Variants in GSK3B observed in about 807,000 individuals in gnomAD.
GSK3B encodes glycogen synthase kinase 3 beta, also known as glycogen synthase kinase-3 beta.
A neutral mutation model predicts 56.4 loss-of-function variants in GSK3B; 15 were observed. The observed-to-expected ratio is 0.27, with a 90% CI of 0.18 to 0.41. GSK3B has a LOEUF of 0.41. GSK3B is among the 10% of genes least tolerant of loss of function. The pLI is 1.00. For missense variants in GSK3B, 300 were observed against 513.4 expected (o/e 0.58, Z 4.02); for synonymous variants, 181 against 188.9 (o/e 0.96, Z 0.34).
intron 1 of GSK3B, chr3:120,029,516 T>C: frequency 3.2e-6 from 2 of 633,208 alleles, no homozygotes; most frequent in South Asian, 2.9e-5. Context: ...GTTATGTGTG[T>C]AAAGTTGCCA....
At chr3:119,974,315 A>G (rs1311644253) in intron 2 of GSK3B, among the ~76,000 whole-genome samples, 2 of 152,224 alleles carry the variant, frequency 1.3e-5, no homozygotes, top group African/African-American at 4.8e-5. Flanking sequence ...ATGTTAGTAG[A>G]CTAGCCTATC....
At chr3:119,942,807 C>G (rs769263346) in intron 3 of GSK3B, among the ~76,000 whole-genome samples, 3 of 152,144 alleles carry the variant, frequency 2.0e-5, no homozygotes, top group Non-Finnish European at 4.4e-5. Flanking sequence ...AAGATACTTG[C>G]AACTCACAAA....
intron 1 of GSK3B, among the ~76,000 whole-genome samples, chr3:120,079,819 A>G (rs959477632): frequency 1.3e-5 from 2 of 152,214 alleles, no homozygotes; most frequent in African/African-American, 4.8e-5. Context: ...GAAGGGCATA[A>G]CAAGTATTTG....
intron 1 of GSK3B, among the ~76,000 whole-genome samples, chr3:120,082,914 A>C (rs975672430): frequency 1.3e-5 from 2 of 152,084 alleles, no homozygotes; most frequent in Non-Finnish European, 1.5e-5. Context: ...TACATATATA[A>C]TTCACCTTTT....
At position 119,833,041 on chromosome 3, in the gene GSK3B, A is replaced by G. The variant is rs1236648675; in HGVS notation, c.1196-6186T>C. On this transcript the variant is annotated intron_variant, in intron 10 of 10. Transcript: ENST00000264235. The stretch of plus-strand genomic sequence containing the variant: ...CATGGATTAATGGTCAACTGTCTCA[A>G]TACTGAGGAAACTGCCCCACCCAAA... 6 of 904,932 alleles carry G rather than the reference A, an allele frequency of 6.6e-6. No individual in the cohort carries two copies. The African/African-American group carries it at 7.2e-5, about 11-fold the overall frequency. 56.1% of individuals were successfully genotyped at this position (904,932 alleles called of 1,614,324 possible).
At position 119,824,401 on chromosome 3, in the gene GSK3B, CTTCT is replaced by C. The variant is rs1354501527; in HGVS notation, c.*2383_*2386del. 3 of 218,676 alleles carry C rather than the reference CTTCT, an allele frequency of 1.4e-5. No individual in the cohort carries two copies. The highest frequency in any genetic ancestry group is 2.8e-5 in the Non-Finnish European group (3 of 108,954). 13.5% of individuals were successfully genotyped at this position (218,676 alleles called of 1,614,324 possible). The stretch of plus-strand genomic sequence containing the variant: ...TGAGAGAAAAGCGTGACTTTTCTCT[CTTCT>C]TTTACCCCAGTTGTGGGGGGCAACC... On this transcript the variant is annotated 3_prime_UTR_variant, in exon 11 of 11. Transcript: ENST00000264235.
Position 119,863,537 on chromosome 3 carries a change from A to G in GSK3B, c.978T>C (p.Thr326=), listed in dbSNP as rs1164520792. ...AAGCTTCCAGTGGTGTTAGTCGGGC[A>G]GTTGGTGTATACTCCAGCAGACGGC... ...LCSRLLEYTP[T]ARLTPLEACA... Residue 326 remains threonine (T), a synonymous_variant, in exon 9 of 11, where the codon ACT becomes ACC. Coordinates refer to ENST00000264235, the MANE Select transcript of GSK3B (RefSeq NM_001146156.2). 6.2e-7 allele frequency: 1 copy of G among 1,613,608 alleles called. No individual in the cohort carries two copies. The highest frequency in any genetic ancestry group is 8.5e-7 in the Non-Finnish European group (1 of 1,179,620).
At chr3:120,055,766 T>C (rs534662685) in intron 1 of GSK3B, among the ~76,000 whole-genome samples, 38 of 152,250 alleles carry the variant, frequency 2.5e-4, no homozygotes, top group African/African-American at 9.1e-4. Context: ...TACATGAAAA[T>C]GGATCTTTCA....
At chr3:120,064,898 C>T (rs981600435) in intron 1 of GSK3B, among the ~76,000 whole-genome samples, 11 of 152,092 alleles carry the variant, frequency 7.2e-5, no homozygotes, top group East Asian at 1.9e-4. Flanking sequence ...CCACACAATG[C>T]GGAAAAAAAT....
intron 1 of GSK3B, among the ~76,000 whole-genome samples, chr3:120,071,727 T>A (rs868183958): frequency 6.6e-6 from 1 of 152,148 alleles, no homozygotes; most frequent in East Asian, 1.9e-4. Context: ...TACATTACAA[T>A]GTAATAATAA....
intron 2 of GSK3B, among the ~76,000 whole-genome samples, chr3:119,955,376 A>T (rs2057203444): frequency 6.6e-6 from 1 of 152,190 alleles, no homozygotes; most frequent in South Asian, 2.1e-4. Flanking sequence ...TTTGAAGCCA[A>T]CTATGTGTCA....
At chr3:119,901,002 T>C (rs2056619349) in intron 7 of GSK3B, among the ~76,000 whole-genome samples, 1 of 152,156 alleles carries the variant, frequency 6.6e-6, no homozygotes, top group South Asian at 2.1e-4. Flanking sequence ...GTAACTGTCA[T>C]TAAAAATTAT....
intron 7 of GSK3B, among the ~76,000 whole-genome samples, chr3:119,881,095 T>G (rs1240395512): frequency 6.6e-6 from 1 of 152,084 alleles, no homozygotes; most frequent in Non-Finnish European, 1.5e-5. Flanking sequence ...ACAAATAAAT[T>G]GTGGCATAGT....
chr3:119,958,915 C>T (rs994992530), intron 2 of GSK3B, among the ~76,000 whole-genome samples: 1 of 152,098 alleles, frequency 6.6e-6, no homozygotes, highest in Non-Finnish European at 1.5e-5. Context: ...ATTCTCCTTA[C>T]TCAGGAGAAA....
Position 119,825,491 on chromosome 3 carries a change from T to G in GSK3B, c.*1297A>C, listed in dbSNP as rs1228580704. ...ATACTGTAGACAAAAAAAAAGGCAG[T>G]ATTGAATATATGTATATATAACATA... On this transcript the variant is annotated 3_prime_UTR_variant, in exon 11 of 11. Coordinates refer to ENST00000264235, the MANE Select transcript of GSK3B (RefSeq NM_001146156.2). 1 of 227,718 alleles carries G rather than the reference T, an allele frequency of 4.4e-6. No individual in the cohort carries two copies. The highest frequency in any genetic ancestry group is 8.7e-6 in the Non-Finnish European group (1 of 114,812). 14.1% of individuals were successfully genotyped at this position (227,718 alleles called of 1,614,324 possible).
At chr3:119,978,204 C>T (rs867784768) in intron 2 of GSK3B, among the ~76,000 whole-genome samples, 2 of 152,222 alleles carry the variant, frequency 1.3e-5, no homozygotes, top group Middle Eastern at 3.4e-3. Context: ...CCAAACTCCT[C>T]CCAGATCAGA....
At chr3:119,861,510 C>CAAA (rs550145796) in intron 9 of GSK3B, among the ~76,000 whole-genome samples, 6 of 74,088 alleles carry the variant, frequency 8.1e-5, no homozygotes, top group African/African-American at 2.9e-4. Flanking sequence ...GACTCCGTCT[C>CAAA]AAAAAAAAAA....
chr3:120,017,132 T>C (rs1028866078), intron 1 of GSK3B, among the ~76,000 whole-genome samples: 3 of 152,160 alleles, frequency 2.0e-5, no homozygotes, highest in Non-Finnish European at 4.4e-5. Context: ...TAAATTTTTC[T>C]TAAGAAGGAA....
At chr3:119,976,784 A>AAAAG (rs2057412759) in intron 2 of GSK3B, among the ~76,000 whole-genome samples, 1 of 147,224 alleles carries the variant, frequency 6.8e-6, no homozygotes, top group African/African-American at 2.6e-5. Flanking sequence ...AAAAAAAAAA[A>AAAAG]ATAGAAAGGT....
Sources: gnomAD v4.1 joint callset for allele counts (sites outside exome capture counted in the v4.1 genomes callset) on GRCh38, gnomAD v4.1.1 for gene constraint, MANE v1.5 for transcripts, NCBI Gene and HGNC (gene_info 2026-07-23, HGNC 2026-07-21) for gene names.